SPIDR: variants seen among roughly 807,000 people sequenced by gnomAD.
The protein encoded by SPIDR is scaffold protein involved in DNA repair.
SPIDR carries 93 observed loss-of-function variants against 104.6 expected under a neutral mutation model. The ratio of observed to expected loss-of-function variants is 0.89; its 90% CI spans 0.75 to 1.06. SPIDR has a LOEUF of 1.06. SPIDR is among the 50% of genes least tolerant of loss of function. The pLI is 0.00. For synonymous variants in SPIDR, 431 were observed against 416.9 expected (o/e 1.03, Z -0.41); for missense variants, 1,154 against 1,111.2 (o/e 1.04, Z -0.55).
At chr8:47,553,055 A>C (rs908109356) in intron 8 of SPIDR, among the ~76,000 whole-genome samples, 7 of 152,196 alleles carry the variant, frequency 4.6e-5, no homozygotes, top group Non-Finnish European at 1.0e-4. Flanking sequence ...TTCTGGGTTG[A>C]AAATTCTTTT....
At chr8:47,725,414 A>G (rs2084074506) in intron 16 of SPIDR, among the ~76,000 whole-genome samples, 1 of 152,088 alleles carries the variant, frequency 6.6e-6, no homozygotes, top group Admixed American at 6.6e-5. Context: ...TTTTTTTGAG[A>G]TAGAGTCTCT....
chr8:47,445,960 C>T (rs1314272365), intron 8 of SPIDR, among the ~76,000 whole-genome samples: 1 of 152,098 alleles, frequency 6.6e-6, no homozygotes, highest in African/African-American at 2.4e-5. Context: ...AGAAACTCCC[C>T]CATAACATAA....
chr8:47,446,996 T>TTA lies in SPIDR; in HGVS notation c.1097+6456_1097+6457dup, dbSNP rs782674840. 3.9e-5 allele frequency among the ~76,000 whole-genome samples: 6 copies of TTA among 152,128 alleles called. No homozygotes were observed. In the South Asian group the frequency reaches 1.2e-3, roughly 31 times the overall value. On this transcript the variant is annotated intron_variant, in intron 8 of 19. Transcript: ENST00000297423. ...ATGGGAGGAGGTCAAAATATCAACATTATCAGGAGTATGGAAAGAGTTGAT... is the reference window on the plus strand; with the variant it reads ...ATGGGAGGAGGTCAAAATATCAACATTATATCAGGAGTATGGAAAGAGTTGAT...
At chr8:47,524,315 C>A (rs1022181075) in intron 8 of SPIDR, among the ~76,000 whole-genome samples, 1 of 152,192 alleles carries the variant, frequency 6.6e-6, no homozygotes, top group Admixed American at 6.5e-5. Flanking sequence ...TTCTCCTAAA[C>A]CAGTTTAGGA....
At chr8:47,729,218 AAGGTGGG>A in intron 18 of SPIDR, 171 bp downstream of exon 18, 1 of 1,471,708 alleles carries the variant, frequency 6.8e-7, no homozygotes, top group East Asian at 2.5e-5. Flanking sequence ...TTCCCTAGGA[AAGGTGGG>A]AGGATGCACC....
intron 15 of SPIDR, chr8:47,713,120 C>A: frequency 1.0e-6 from 1 of 956,222 alleles, no homozygotes; most frequent in Non-Finnish European, 1.4e-6. Flanking sequence ...CCCCATACTG[C>A]TGCAGACTCC....
chr8:47,334,284 A>G (rs1587177251), intron 5 of SPIDR, among the ~76,000 whole-genome samples: 1 of 152,356 alleles, frequency 6.6e-6, no homozygotes, highest in East Asian at 1.9e-4. Flanking sequence ...AATTATATCC[A>G]GTTGATAGGT....
At chr8:47,537,372 T>C (rs1208783691) in intron 8 of SPIDR, among the ~76,000 whole-genome samples, 1 of 152,060 alleles carries the variant, frequency 6.6e-6, no homozygotes, top group Admixed American at 6.6e-5. Flanking sequence ...CACAATAGAA[T>C]ATTACTCAGT....
chr8:47,357,991 A>G (rs192782400), intron 5 of SPIDR: 67 of 337,846 alleles, frequency 2.0e-4, no homozygotes, highest in Admixed American at 1.4e-3. Context: ...TTCCTCTCCA[A>G]CCTGGTGAGA....
At chr8:47,627,722 C>T (rs1174390822) in intron 10 of SPIDR, among the ~76,000 whole-genome samples, 2 of 152,068 alleles carry the variant, frequency 1.3e-5, no homozygotes, top group African/African-American at 2.4e-5. Context: ...CGGTGCTCAG[C>T]GAGTCCCCTG....
intron 8 of SPIDR, among the ~76,000 whole-genome samples, chr8:47,553,346 C>G (rs1360730333): frequency 6.6e-6 from 1 of 152,208 alleles, no homozygotes; most frequent in Non-Finnish European, 1.5e-5. Context: ...TGTTTTCCAA[C>G]TTGGTTCCAT....
At chr8:47,680,699 C>T (rs568643435) in intron 11 of SPIDR, among the ~76,000 whole-genome samples, 1 of 152,344 alleles carries the variant, frequency 6.6e-6, no homozygotes, top group Admixed American at 6.5e-5. Context: ...AATTGCTATG[C>T]TTAGAAACCC....
intron 8 of SPIDR, among the ~76,000 whole-genome samples, chr8:47,574,581 C>G (rs959938065): frequency 6.6e-6 from 1 of 151,888 alleles, no homozygotes; most frequent in Non-Finnish European, 1.5e-5. Context: ...CATGGCAAAA[C>G]CCCATCTCTA....
intron 8 of SPIDR, among the ~76,000 whole-genome samples, chr8:47,552,342 C>T (rs981661731): frequency 1.2e-4 from 18 of 152,094 alleles, no homozygotes; most frequent in South Asian, 2.1e-4. Flanking sequence ...CTTTCTGTCA[C>T]GTTGATCTGT....
intron 8 of SPIDR, among the ~76,000 whole-genome samples, chr8:47,517,759 G>C (rs1360815648): frequency 6.6e-6 from 1 of 152,090 alleles, no homozygotes; most frequent in Admixed American, 6.6e-5. Context: ...GCTAATTTTC[G>C]TGGTTTCATT....
At position 47,293,921 on chromosome 8, in the gene SPIDR, A is replaced by T; in HGVS notation, c.416A>T (p.Asp139Val). ...GACAGTGACAGGGCAGAGGCTAGTGACTGTGATGAATTTGAAGATGACGAG... is the reference window on the plus strand; with the variant it reads ...GACAGTGACAGGGCAGAGGCTAGTGTCTGTGATGAATTTGAAGATGACGAG... ...EIDSDRAEAS[D>V]CDEFEDDEGA... Residue 139 changes from aspartate to valine, a missense_variant, in exon 5 of 20, where the codon GAC becomes GTC. Transcript: ENST00000297423. 1 of 1,614,114 alleles carries T rather than the reference A, an allele frequency of 6.2e-7. No individual in the cohort carries two copies. The highest frequency in any genetic ancestry group is 8.5e-7 in the Non-Finnish European group (1 of 1,180,004).
chr8:47,439,345 G>A (rs1376562042), intron 7 of SPIDR, among the ~76,000 whole-genome samples: 3 of 151,956 alleles, frequency 2.0e-5, no homozygotes, highest in South Asian at 4.2e-4. Flanking sequence ...ATTGATTTCT[G>A]TGTTTTTTAA....
chr8:47,567,181 A>T (rs796693681), intron 8 of SPIDR, among the ~76,000 whole-genome samples: 31 of 151,922 alleles, frequency 2.0e-4, no homozygotes, highest in African/African-American at 7.0e-4. Context: ...AGAGCAGGAA[A>T]TGGGGATTAC....
At chr8:47,563,037 CTT>C (rs75347314) in intron 8 of SPIDR, among the ~76,000 whole-genome samples, 17 of 134,826 alleles carry the variant, frequency 1.3e-4, no homozygotes, top group South Asian at 7.2e-4. Flanking sequence ...ACTCTTTTCT[CTT>C]TTTTTTTTTT....
Sources: allele counts gnomAD v4.1 joint callset (sites outside exome capture counted in the v4.1 genomes callset), GRCh38; gene constraint gnomAD v4.1.1; transcripts MANE v1.5; gene names NCBI Gene and HGNC (gene_info 2026-07-23, HGNC 2026-07-21).